GRIP1: variants seen among roughly 807,000 people sequenced by gnomAD.
GRIP1 encodes the protein glutamate receptor interacting protein 1.
GRIP1 carries 45 observed loss-of-function variants against 129.9 expected under a neutral mutation model. The observed-to-expected ratio is 0.35, with a 90% CI of 0.27 to 0.44. GRIP1 has a LOEUF of 0.44. Ranked by LOEUF, GRIP1 falls within the 20% of genes least tolerant of loss-of-function variation. GRIP1 has a pLI of 1.00. For missense variants in GRIP1, 1,196 were observed against 1,396.8 expected (o/e 0.86, Z 2.29); for synonymous variants, 530 against 520.8 (o/e 1.02, Z -0.24).
At chr12:66,712,620 A>G (rs1592766973) in intron 1 of GRIP1, among the ~76,000 whole-genome samples, 2 of 152,148 alleles carry the variant, frequency 1.3e-5, no homozygotes, top group African/African-American at 4.8e-5. Context: ...AAATGCAGTG[A>G]GCAATAATAG....
intron 2 of GRIP1, among the ~76,000 whole-genome samples, chr12:66,574,963 G>T (rs970798089): frequency 6.6e-6 from 1 of 151,742 alleles, no homozygotes; most frequent in African/African-American, 2.4e-5. Context: ...ATAGAGACGG[G>T]GTTTCACCAT....
intron 1 of GRIP1, among the ~76,000 whole-genome samples, chr12:66,819,142 A>T (rs766243433): frequency 1.1e-4 from 17 of 152,174 alleles, no homozygotes; most frequent in Non-Finnish European, 2.2e-4. Flanking sequence ...CAGTCACCTG[A>T]TCTGCCTCTA....
intron 1 of GRIP1, among the ~76,000 whole-genome samples, chr12:66,982,723 A>G (rs1385636812): frequency 6.6e-6 from 1 of 152,212 alleles, no homozygotes; most frequent in East Asian, 1.9e-4. Flanking sequence ...ATGAAACTAC[A>G]GCCCCAACTG....
chr12:66,615,144 T>G (rs954973453), intron 1 of GRIP1, among the ~76,000 whole-genome samples: 3 of 152,184 alleles, frequency 2.0e-5, no homozygotes, highest in Non-Finnish European at 4.4e-5. Context: ...GGCACATAGT[T>G]GATATTCAGT....
chr12:66,377,463 G>C (rs1000993182), intron 20 of GRIP1, among the ~76,000 whole-genome samples, 178 bp from the exon 21 acceptor site: 3 of 151,094 alleles, frequency 2.0e-5, no homozygotes, highest in Non-Finnish European at 4.4e-5. Flanking sequence ...GAGTAGCTGG[G>C]ACTACAGGCG....
chr12:66,788,401 A>T (rs1276778175), intron 1 of GRIP1, among the ~76,000 whole-genome samples: 1 of 151,946 alleles, frequency 6.6e-6, no homozygotes, highest in African/African-American at 2.4e-5. Flanking sequence ...CAGTATTCGG[A>T]TGGCCCAAAT....
chr12:66,847,691 C>T (rs1196446953), intron 1 of GRIP1, among the ~76,000 whole-genome samples: 1 of 152,026 alleles, frequency 6.6e-6, no homozygotes, highest in Non-Finnish European at 1.5e-5. Flanking sequence ...TCAAAAAAAT[C>T]CCTGTTCCTA....
chr12:66,962,473 G>A (rs2041935445), intron 1 of GRIP1, among the ~76,000 whole-genome samples: 1 of 152,052 alleles, frequency 6.6e-6, no homozygotes, highest in Non-Finnish European at 1.5e-5. Context: ...TTGCTAAACA[G>A]TGCGACTTAG....
At chr12:66,785,327 C>CATATATATATATATATATAT (rs1415065185) in intron 1 of GRIP1, among the ~76,000 whole-genome samples, 5 of 38,512 alleles carry the variant, frequency 1.3e-4, no homozygotes, top group Admixed American at 3.8e-4. Context: ...TACATACATA[C>CATATATATATATATATATAT]ATACATACAT....
chr12:66,795,856 C>T (rs921971477), intron 1 of GRIP1, among the ~76,000 whole-genome samples: 1 of 152,054 alleles, frequency 6.6e-6, no homozygotes, highest in Non-Finnish European at 1.5e-5. Flanking sequence ...ATGGAGTGCA[C>T]TTGAAAGACT....
intron 1 of GRIP1, among the ~76,000 whole-genome samples, chr12:66,735,308 T>C (rs1332863264): frequency 6.6e-6 from 1 of 152,180 alleles, no homozygotes; most frequent in African/African-American, 2.4e-5. Flanking sequence ...GCTTATAATG[T>C]CGAAGTAAAT....
chr12:66,416,415 A>C (rs1171122258), intron 15 of GRIP1, among the ~76,000 whole-genome samples: 2 of 152,192 alleles, frequency 1.3e-5, no homozygotes, highest in African/African-American at 2.4e-5. Context: ...AGATCAGAGC[A>C]AAAACAAATG....
intron 1 of GRIP1, among the ~76,000 whole-genome samples, chr12:66,689,191 C>G (rs928001560): frequency 1.3e-5 from 2 of 152,182 alleles, no homozygotes; most frequent in African/African-American, 4.8e-5. Flanking sequence ...TGGGATCCCT[C>G]TAAGTTCTTA....
chr12:66,528,425 C>T (rs1486482914), intron 5 of GRIP1, among the ~76,000 whole-genome samples: 1 of 152,172 alleles, frequency 6.6e-6, no homozygotes, highest in African/African-American at 2.4e-5. Context: ...GCGTGAGTCA[C>T]TGTGCCCGGC....
At chr12:66,385,104 G>A (rs113882586) in intron 19 of GRIP1, among the ~76,000 whole-genome samples, 2,933 of 152,264 alleles carry the variant, frequency 0.019, 99 homozygotes, top group African/African-American at 0.065. Flanking sequence ...GATAGATAAT[G>A]AAATTTTTTT....
intron 23 of GRIP1, among the ~76,000 whole-genome samples, chr12:66,362,111 A>G (rs1313388845): frequency 6.7e-6 from 1 of 148,782 alleles, no homozygotes; most frequent in Non-Finnish European, 1.5e-5. Context: ...AGGAAGAGAC[A>G]TGCCCTGGGC....
intron 1 of GRIP1, among the ~76,000 whole-genome samples, chr12:66,999,098 T>TAA (rs1217995999): frequency 6.6e-6 from 1 of 152,046 alleles, no homozygotes; most frequent in Non-Finnish European, 1.5e-5. Flanking sequence ...ATAACAATGA[T>TAA]AACATCAGGA....
chr12:66,647,094 C>A (rs1050516077), intron 1 of GRIP1, among the ~76,000 whole-genome samples: 21 of 152,326 alleles, frequency 1.4e-4, no homozygotes, highest in African/African-American at 3.8e-4. Flanking sequence ...GATTCTGAGT[C>A]TGAACTTAAC....
chr12:66,485,714 T>C (rs531145266), intron 7 of GRIP1, among the ~76,000 whole-genome samples: 8 of 152,232 alleles, frequency 5.3e-5, no homozygotes, highest in African/African-American at 1.7e-4. Context: ...TCAGTAATCC[T>C]CTGAAATTGA....
Sources: gnomAD v4.1 joint callset for allele counts (sites outside exome capture counted in the v4.1 genomes callset) on GRCh38, gnomAD v4.1.1 for gene constraint, MANE v1.5 for transcripts, NCBI Gene and HGNC (gene_info 2026-07-23, HGNC 2026-07-21) for gene names.